Variants in MYH3 observed in about 807,000 individuals in gnomAD.
The protein encoded by MYH3 is myosin heavy chain 3.
In MYH3, 130 loss-of-function variants were observed where a neutral mutation model predicts 238.0. The ratio of observed to expected loss-of-function variants is 0.55; its 90% CI spans 0.47 to 0.63. The LOEUF (loss-of-function observed/expected upper bound fraction) is 0.63. MYH3 is among the 30% of genes least tolerant of loss of function. The pLI is 0.00. For missense variants in MYH3, 1,853 were observed against 2,374.9 expected (o/e 0.78, Z 4.57); for synonymous variants, 880 against 924.1 (o/e 0.95, Z 0.86).
chr17:10,644,321 T>TA, intron 14 of MYH3, 30 bp downstream of exon 14: 4 of 1,606,086 alleles, frequency 2.5e-6, no homozygotes, highest in Non-Finnish European at 3.4e-6. Context: ...TATGAAGCCA[T>TA]ATGAAAATAT....
Position 10,632,464 on chromosome 17 carries a change from G to C in MYH3, c.4956+12C>G. On this transcript the variant is annotated intron_variant, in intron 34 of 40. Transcript: ENST00000583535. ...GAGGAGAGAGGTTTTTCCCCGATGG[G>C]TTCTCTCAAACCTTCAGCTGTCCCT... 1.2e-6 allele frequency: 2 copies of C among 1,611,784 alleles called. No individual in the cohort carries two copies. Among genetic ancestry groups the C allele is most frequent in the Non-Finnish European group, 1.7e-6 (2 of 1,179,816 alleles).
intron 28 of MYH3, among the ~76,000 whole-genome samples, chr17:10,637,303 G>A (rs1218817224): frequency 2.6e-5 from 4 of 151,944 alleles, no homozygotes; most frequent in South Asian, 2.1e-4. Context: ...CAGGTGATCC[G>A]CCCGCCTCGG....
chr17:10,675,506 A>C, the MYH3 span: 1 of 152,288 alleles, frequency 6.6e-6, no homozygotes, highest in African/African-American at 2.4e-5. Flanking sequence ...CATAAATCTT[A>C]AGTTCAAAGT....
At chr17:10,666,578 C>CAAA in the MYH3 span, among the ~76,000 whole-genome samples, 18 of 68,564 alleles carry the variant, frequency 2.6e-4, no homozygotes, top group East Asian at 1.2e-3. Flanking sequence ...CTTGTCTCTA[C>CAAA]AAAAAAAAAA....
Position 10,647,055 on chromosome 17 carries a change from A to T in MYH3, c.898+127T>A. 3.9e-6 allele frequency: 3 copies of T among 777,454 alleles called. No individual in the cohort carries two copies. In the South Asian group the frequency reaches 4.6e-5, roughly 12 times the overall value. The allele number at this position is 777,454 out of a possible 1,614,324, so 48.2% of individuals were successfully genotyped here. A position where few individuals can be genotyped will look rare whatever the true frequency, so the allele number is the denominator to read the frequency against. On this transcript the variant is annotated intron_variant, in intron 10 of 40. Coordinates refer to ENST00000583535, the MANE Select transcript of MYH3 (RefSeq NM_002470.4). ...TCAGAGTGAGACCCTATCTCAAAAT[A>T]AATAAATAAAATAAAATAAACTTTC...
At chr17:10,672,581 C>A in the MYH3 span, 4 of 152,234 alleles carry the variant, frequency 2.6e-5, no homozygotes, top group African/African-American at 9.6e-5. Context: ...GCGACCACTA[C>A]CAAGACACAG....
Position 10,639,734 on chromosome 17 carries a change from C to G in MYH3, c.2751G>C (p.Glu917Asp). The change falls in exon 23 of 41, where the codon GAG (glutamate) becomes GAC (aspartate). Residue 917 changes from glutamate (E) to aspartate (D), a missense_variant. By Grantham distance (45) the Glu-to-Asp change is conservative. Transcript: ENST00000583535. Reference sequence around the variant, plus strand: ...TCTCTGTCACCTCCTTGATCTTGGCCTCGAGCTGGAATTTGGCTTTGATCA... The same window carrying G: ...TCTCTGTCACCTCCTTGATCTTGGCGTCGAGCTGGAATTTGGCTTTGATCA... ...DQLIKAKFQL[E>D]AKIKEVTERA... 6.2e-7 allele frequency: 1 copy of G among 1,613,962 alleles called. No homozygotes were observed. Among genetic ancestry groups the G allele is most frequent in the Non-Finnish European group, 8.5e-7 (1 of 1,180,036 alleles).
At chr17:10,671,881 T>A in the MYH3 span, among the ~76,000 whole-genome samples, 1 of 152,156 alleles carries the variant, frequency 6.6e-6, no homozygotes, top group Non-Finnish European at 1.5e-5. Flanking sequence ...AATCCCAGGG[T>A]GGGAACACCC....
chr17:10,638,735 G>T (rs895141912), intron 26 of MYH3, 138 bp downstream of exon 26: 2 of 882,020 alleles, frequency 2.3e-6, no homozygotes, highest in East Asian at 2.6e-5. Context: ...TCATGGCCAG[G>T]CCAGCCTAGC....
intron 3 of MYH3, among the ~76,000 whole-genome samples, chr17:10,653,761 A>C (rs540638819): frequency 6.6e-6 from 1 of 152,250 alleles, no homozygotes; most frequent in Admixed American, 6.5e-5. Context: ...CCTGCCTTCA[A>C]GCAGGGATTC....
At chr17:10,645,314 C>T (rs2064263366) in intron 12 of MYH3, among the ~76,000 whole-genome samples, 1 of 151,776 alleles carries the variant, frequency 6.6e-6, no homozygotes, top group Non-Finnish European at 1.5e-5. Context: ...TGCCTGTAAT[C>T]CCAGCTACTC....
In MYH3 at chr17:10,651,597, C is replaced by T; in HGVS notation, c.420G>A (p.Val140=). The T allele has an allele frequency of 6.2e-7, 1 of 1,614,072 alleles. No individual in the cohort carries two copies. Among genetic ancestry groups the T allele is most frequent in the Non-Finnish European group, 8.5e-7 (1 of 1,180,000 alleles). ...KWLPVYNPEV[V]EGYRGKKRQE... is the part of the protein sequence containing the mutation. ...GGCGCTTTTTGCCTCGGTAGCCTTC[C>T]ACCACCTCGGGGTTGTACACCGGCA... The change falls in exon 5 of 41, where the codon GTG becomes GTA. Residue 140 remains valine, a synonymous_variant. Transcript: ENST00000583535.
At chr17:10,658,034 G>A (rs1417163133), upstream of MYH3, among the ~76,000 whole-genome samples, 2 of 152,090 alleles carry the variant, frequency 1.3e-5, no homozygotes, top group African/African-American at 2.4e-5. Flanking sequence ...TATTCCCGGC[G>A]ACAGCTGCCT....
At chr17:10,672,021 CT>C in the MYH3 span, among the ~76,000 whole-genome samples, 1 of 152,096 alleles carries the variant, frequency 6.6e-6, no homozygotes, top group East Asian at 1.9e-4. Context: ...TGCTTTCTGC[CT>C]TTGCTGTCAT....
At chr17:10,635,671 A>AT (rs139093415) in intron 29 of MYH3, 64 bp downstream of exon 29, 2 of 1,612,856 alleles carry the variant, frequency 1.2e-6, no homozygotes, top group Non-Finnish European at 1.7e-6. Flanking sequence ...GTTGCCTTTT[A>AT]TTTTTTCCTC....
Position 10,642,351 on chromosome 17 carries a change from A to G in MYH3, c.1889-41T>C. 3 of 1,613,844 alleles carry G rather than the reference A, an allele frequency of 1.9e-6. No individual in the cohort carries two copies. The highest frequency in any genetic ancestry group is 2.5e-6 in the Non-Finnish European group (3 of 1,179,736). On this transcript the variant is annotated intron_variant, in intron 16 of 40. Transcript: ENST00000583535. The surrounding 1 kb of genome is among the most constrained non-coding windows in gnomAD (Gnocchi z 5.4). ...GAGGGCACGTGCTGTAGGTGAATCT[A>G]AAAGGTTTTTTGTTACTGTGGAACA...
At chr17:10,651,296 G>A (rs535638851) in intron 5 of MYH3, among the ~76,000 whole-genome samples, 2 of 151,826 alleles carry the variant, frequency 1.3e-5, no homozygotes, top group African/African-American at 2.4e-5. Flanking sequence ...ATCCATATCC[G>A]TTTTGCATAT....
At position 10,639,108 on chromosome 17, in the gene MYH3, G is replaced by T; in HGVS notation, c.3184C>A (p.Leu1062Ile). Residue 1062 changes from leucine (L) to isoleucine (I), a missense_variant, in exon 25 of 41, where the codon CTT (leucine) becomes ATT (isoleucine). This residue lies in a region of MYH3 where 1,044 missense variants were observed against 1,192.6 expected (regional missense o/e 0.88). Coordinates refer to ENST00000583535, the MANE Select transcript of MYH3 (RefSeq NM_002470.4). The part of the protein sequence containing the change: ...NKRKLEGDLK[L>I]AQESILDLEN... ...AGATCTAATATGGACTCTTGAGCAA[G>T]CTTCAAGTCTCCTTCCAATTTCCTT... 1.2e-6 allele frequency: 2 copies of T among 1,614,152 alleles called. No individual in the cohort carries two copies. The highest frequency in any genetic ancestry group is 1.7e-6 in the Non-Finnish European group (2 of 1,179,994).
intron 22 of MYH3, 82 bp from the exon 23 acceptor site, chr17:10,639,884 T>C: frequency 6.3e-7 from 1 of 1,593,854 alleles, no homozygotes; most frequent in Non-Finnish European, 8.5e-7. Context: ...TGAAGTTCTT[T>C]ATGAAGCATT....
Sources: allele counts gnomAD v4.1 joint callset (sites outside exome capture counted in the v4.1 genomes callset), GRCh38; gene constraint gnomAD v4.1.1; regional missense constraint gnomAD v4.1.1; non-coding constraint Gnocchi (gnomAD v3.1); transcripts MANE v1.5; gene names NCBI Gene and HGNC (gene_info 2026-07-23, HGNC 2026-07-21).